GRID1: variants seen among roughly 807,000 people sequenced by gnomAD.
GRID1 encodes the protein glutamate receptor ionotropic, delta-1.
GRID1 carries 28 observed loss-of-function variants against 98.0 expected under a neutral mutation model. That is an observed-to-expected ratio of 0.29 (90% CI 0.21 to 0.39). The LOEUF (loss-of-function observed/expected upper bound fraction) is 0.39. Among genes scored for constraint, GRID1 ranks in the 10% least tolerant of loss-of-function variants. The probability of loss-of-function intolerance (pLI) is 1.00; values close to 1 mark genes in which losing one functional copy is unlikely to be tolerated. For synonymous variants in GRID1, 553 were observed against 538.5 expected, an observed-to-expected ratio of 1.03 and a Z score of -0.37; for missense variants, 1,111 against 1,340.5, an observed-to-expected ratio of 0.83 and a Z score of 2.67.
At chr10:85,966,063 G>C (rs921385750) in intron 4 of GRID1, among the ~76,000 whole-genome samples, 6 of 152,178 alleles carry the variant, frequency 3.9e-5, no homozygotes, top group Admixed American at 6.5e-5. Context: ...ATTCTCCAGG[G>C]CATTGTCACA....
intron 2 of GRID1, among the ~76,000 whole-genome samples, chr10:86,333,396 T>C (rs1189108143): frequency 1.3e-5 from 2 of 152,270 alleles, no homozygotes; most frequent in African/African-American, 4.8e-5. Context: ...TTTCCATATC[T>C]ATACTTTCCC....
chr10:85,819,440 T>C (rs1842742877), intron 8 of GRID1, among the ~76,000 whole-genome samples: 1 of 152,180 alleles, frequency 6.6e-6, no homozygotes, highest in Non-Finnish European at 1.5e-5. Context: ...TTGCTTCTAA[T>C]AAATATCATA....
intron 3 of GRID1, among the ~76,000 whole-genome samples, chr10:86,196,091 G>A (rs1845868200): frequency 1.3e-5 from 2 of 151,950 alleles, no homozygotes; most frequent in East Asian, 1.9e-4. Context: ...TCCCTTCCAT[G>A]GACCCCTTCA....
chr10:85,731,044 C>T (rs1467725877), intron 8 of GRID1, among the ~76,000 whole-genome samples: 1 of 152,184 alleles, frequency 6.6e-6, no homozygotes, highest in African/African-American at 2.4e-5. Flanking sequence ...TGCTTCTACT[C>T]TGTCAGCATT....
At chr10:86,354,980 G>A (rs570425956) in intron 2 of GRID1, among the ~76,000 whole-genome samples, 22 of 152,338 alleles carry the variant, frequency 1.4e-4, no homozygotes, top group African/African-American at 5.1e-4. Context: ...GGCCAAGGCT[G>A]TGGGAACCTG....
intron 4 of GRID1, among the ~76,000 whole-genome samples, chr10:85,972,191 G>A (rs892000992): frequency 2.0e-5 from 3 of 150,764 alleles, no homozygotes; most frequent in Non-Finnish European, 4.4e-5. Flanking sequence ...TAATTTTGAT[G>A]GCTCATAGTG....
chr10:85,805,398 A>T (rs1842614324), intron 8 of GRID1, among the ~76,000 whole-genome samples: 1 of 151,882 alleles, frequency 6.6e-6, no homozygotes, highest in Admixed American at 6.6e-5. Flanking sequence ...TGAAAGACTC[A>T]ATATTGTTAA....
intron 8 of GRID1, among the ~76,000 whole-genome samples, chr10:85,772,700 C>T (rs1377191942): frequency 2.5e-4 from 38 of 152,038 alleles, no homozygotes; most frequent in African/African-American, 7.2e-4. Context: ...AACACCTCTA[C>T]GCAAATAAAC....
intron 2 of GRID1, among the ~76,000 whole-genome samples, chr10:86,301,308 CA>C: frequency 6.6e-6 from 1 of 152,344 alleles, no homozygotes. Flanking sequence ...GAAGAAACAT[CA>C]AAAATCAATC....
intron 4 of GRID1, among the ~76,000 whole-genome samples, chr10:86,092,944 G>A (rs539542263): frequency 3.9e-5 from 6 of 152,160 alleles, no homozygotes; most frequent in South Asian, 4.1e-4. Flanking sequence ...ATTCAACAGC[G>A]CATGGAACTT....
intron 4 of GRID1, among the ~76,000 whole-genome samples, chr10:86,095,559 G>C (rs1355333031): frequency 1.3e-5 from 2 of 151,854 alleles, no homozygotes; most frequent in East Asian, 3.9e-4. Context: ...ACATGAATAA[G>C]CAATTCTCAA....
At chr10:86,208,498 A>G (rs901491337) in intron 2 of GRID1, among the ~76,000 whole-genome samples, 1 of 151,844 alleles carries the variant, frequency 6.6e-6, no homozygotes, top group Non-Finnish European at 1.5e-5. Context: ...GCTCCTCACC[A>G]CACCCTTTTC....
At chr10:85,745,489 G>A (rs1052259796) in intron 8 of GRID1, among the ~76,000 whole-genome samples, 6 of 130,912 alleles carry the variant, frequency 4.6e-5, no homozygotes, top group Non-Finnish European at 6.5e-5. Context: ...ACCAAACACC[G>A]CATATTCTCA....
chr10:86,347,664 G>C (rs1564745335), intron 2 of GRID1, among the ~76,000 whole-genome samples: 1 of 152,236 alleles, frequency 6.6e-6, no homozygotes, highest in Non-Finnish European at 1.5e-5. Flanking sequence ...GCAGAGTCCT[G>C]TGGATACCAT....
chr10:86,153,190 T>G (rs1270157412), intron 3 of GRID1, among the ~76,000 whole-genome samples: 1 of 152,160 alleles, frequency 6.6e-6, no homozygotes, highest in Non-Finnish European at 1.5e-5. Context: ...TGCCTGAGTC[T>G]GGGTGCAAAG....
intron 4 of GRID1, among the ~76,000 whole-genome samples, chr10:86,050,065 G>A (rs547334595): frequency 4.6e-5 from 7 of 152,196 alleles, no homozygotes; most frequent in Non-Finnish European, 2.9e-5. Flanking sequence ...ACAAACCCAG[G>A]TGTGTTCCTA....
At chr10:86,272,412 C>T (rs1847199052) in intron 2 of GRID1, among the ~76,000 whole-genome samples, 1 of 152,194 alleles carries the variant, frequency 6.6e-6, no homozygotes, top group Non-Finnish European at 1.5e-5. Context: ...CATGCCCCAT[C>T]CCTCCCCCAG....
intron 2 of GRID1, among the ~76,000 whole-genome samples, chr10:86,337,973 G>A (rs1193606572): frequency 6.6e-6 from 1 of 152,200 alleles, no homozygotes; most frequent in Non-Finnish European, 1.5e-5. Flanking sequence ...CTCCCGAAGT[G>A]CTGGGATTAC....
intron 10 of GRID1, 68 bp from the exon 11 acceptor site, chr10:85,724,744 A>C: frequency 7.7e-7 from 1 of 1,302,024 alleles, no homozygotes; most frequent in Non-Finnish European, 1.1e-6. Flanking sequence ...CCCTGGGTCA[A>C]GGTCCACCCT....
Sources: gnomAD v4.1 joint callset for allele counts (sites outside exome capture counted in the v4.1 genomes callset) on GRCh38, gnomAD v4.1.1 for gene constraint, MANE v1.5 for transcripts, NCBI Gene and HGNC (gene_info 2026-07-23, HGNC 2026-07-21) for gene names.